Variants in PHLPP2 observed in about 807,000 individuals in gnomAD.
The protein encoded by PHLPP2 is PH domain and leucine rich repeat protein phosphatase 2.
PHLPP2 carries 66 observed loss-of-function variants against 124.9 expected under a neutral mutation model. The observed-to-expected ratio is 0.53, with a 90% CI of 0.43 to 0.65. The LOEUF is 0.65. Ranked by LOEUF, PHLPP2 falls within the 30% of genes least tolerant of loss-of-function variation. PHLPP2 has a pLI of 0.00. For missense variants in PHLPP2, 1,685 were observed against 1,600.4 expected (o/e 1.05, Z -0.90); for synonymous variants, 681 against 624.7 (o/e 1.09, Z -1.34).
chr16:71,658,947 C>A, intron 13 of PHLPP2, 132 bp from the exon 14 acceptor site: 1 of 755,044 alleles, frequency 1.3e-6, no homozygotes, highest in Non-Finnish European at 2.2e-6. Context: ...AGAAATGAAA[C>A]CGATACCAGG....
intron 18 of PHLPP2, among the ~76,000 whole-genome samples, chr16:71,651,668 T>A (rs954644336): frequency 1.3e-5 from 2 of 152,240 alleles, no homozygotes; most frequent in African/African-American, 2.4e-5. Context: ...ATAAAAATGA[T>A]GGTTTTTGAT....
At position 71,658,553 on chromosome 16, in the gene PHLPP2, C is replaced by A. The variant is rs1596990193; in HGVS notation, c.2148+100G>T. On this transcript the variant is annotated intron_variant, in intron 14 of 18. Coordinates refer to ENST00000568954, the MANE Select transcript of PHLPP2 (RefSeq NM_015020.3). ...ATATTTTTCCTTATAAGAATAATCT[C>A]ATTCACACTCCTTTCTTCTTCTTTA... The A allele has an allele frequency of 4.6e-6, 6 of 1,316,604 alleles. No homozygotes were observed. In the East Asian group the frequency reaches 1.2e-4, roughly 25 times the overall value. 81.6% of individuals were successfully genotyped at this position (1,316,604 alleles called of 1,614,324 possible). A position where few individuals can be genotyped will look rare whatever the true frequency, so the allele number is the denominator to read the frequency against.
chr16:71,710,601 T>G (rs1264356270), intron 2 of PHLPP2, among the ~76,000 whole-genome samples: 1 of 152,222 alleles, frequency 6.6e-6, no homozygotes, highest in Non-Finnish European at 1.5e-5. Flanking sequence ...GACATCAATC[T>G]AAGTACTTTA....
intron 4 of PHLPP2, among the ~76,000 whole-genome samples, chr16:71,686,974 T>C (rs1199818466): frequency 2.0e-5 from 3 of 152,254 alleles, no homozygotes; most frequent in Admixed American, 6.5e-5. Flanking sequence ...ACTGGGTTAT[T>C]TGAAAAGCAC....
chr16:71,660,574 C>T (rs900867275), intron 13 of PHLPP2, among the ~76,000 whole-genome samples: 3 of 151,532 alleles, frequency 2.0e-5, no homozygotes, highest in Non-Finnish European at 2.9e-5. Flanking sequence ...TACAGGCACC[C>T]GCCACCATGC....
In PHLPP2 at chr16:71,667,287, G is replaced by T; in HGVS notation, c.1675C>A (p.His559Asn). The stretch of plus-strand genomic sequence containing the variant: ...ACCAGTGTTGGAAGGTTTTGCACAT[G>T]ATTGTGTCCCAGCATCAGTTTTCTA... ...SLRKLMLGHN[H>N]VQNLPTLVEH... Residue 559 changes from histidine to asparagine, a missense_variant, in exon 12 of 19, where the codon CAT (histidine) becomes AAT (asparagine). Transcript: ENST00000568954. 1 of 1,613,514 alleles carries T rather than the reference G, an allele frequency of 6.2e-7. No homozygotes were observed. The highest frequency in any genetic ancestry group is 8.5e-7 in the Non-Finnish European group (1 of 1,179,626).
intron 1 of PHLPP2, chr16:71,715,085 C>T (rs536443359): frequency 5.0e-6 from 2 of 399,198 alleles, no homozygotes; most frequent in Non-Finnish European, 9.1e-6. Flanking sequence ...GTTGCAGTGG[C>T]TCAGGCCTGT....
At chr16:71,712,006 C>T (rs2045327408) in intron 2 of PHLPP2, among the ~76,000 whole-genome samples, 1 of 152,228 alleles carries the variant, frequency 6.6e-6, no homozygotes, top group Non-Finnish European at 1.5e-5. Flanking sequence ...TCAGGCATTC[C>T]AACTGCAGGG....
At chr16:71,713,764 G>A (rs1263384694) in intron 2 of PHLPP2, among the ~76,000 whole-genome samples, 2 of 151,992 alleles carry the variant, frequency 1.3e-5, no homozygotes, top group Non-Finnish European at 2.9e-5. Flanking sequence ...ACTCACGCAT[G>A]GGCACATATA....
chr16:71,649,632 G>C lies in PHLPP2; in HGVS notation c.3230C>G (p.Ala1077Gly). ...PATPSSSSGI[A>G]SEFSSEMSTS... ...GGACATCTCACTGCTGAACTCAGAGGCAATCCCACTGCTAGAGGATGGAGT... is the reference window on the plus strand; with the variant it reads ...GGACATCTCACTGCTGAACTCAGAGCCAATCCCACTGCTAGAGGATGGAGT... The change falls in exon 19 of 19, where the codon GCC becomes GGC. Residue 1077 changes from alanine to glycine, a missense_variant. By Grantham distance (60) the Ala-to-Gly change is moderately conservative (BLOSUM62 0). Coordinates refer to ENST00000568954, the MANE Select transcript of PHLPP2 (RefSeq NM_015020.3). 6.2e-7 allele frequency: 1 copy of C among 1,614,194 alleles called. No homozygotes were observed. The highest frequency in any genetic ancestry group is 2.2e-5 in the East Asian group (1 of 44,894).
At chr16:71,690,477 A>C (rs2045099487) in intron 4 of PHLPP2, 42 bp downstream of exon 4, 1 of 1,309,678 alleles carries the variant, frequency 7.6e-7, no homozygotes, top group Non-Finnish European at 1.1e-6. Context: ...TTTCTTAATT[A>C]AGATGATCAA....
chr16:71,705,521 CT>C (rs1285356497), intron 2 of PHLPP2, among the ~76,000 whole-genome samples: 7 of 151,380 alleles, frequency 4.6e-5, no homozygotes, highest in Middle Eastern at 3.4e-3. Flanking sequence ...TTTTCTTTTT[CT>C]TTTTTTTGAG....
intron 13 of PHLPP2, among the ~76,000 whole-genome samples, chr16:71,663,333 G>A (rs1051443623): frequency 3.3e-5 from 5 of 152,154 alleles, no homozygotes; most frequent in Admixed American, 6.5e-5. Flanking sequence ...GGCTGGTCTC[G>A]AACTCACGAA....
chr16:71,649,905 G>C lies in PHLPP2; in HGVS notation c.2957C>G (p.Ala986Gly), dbSNP rs966991891. 7 of 1,614,212 alleles carry C rather than the reference G, an allele frequency of 4.3e-6. No individual in the cohort carries two copies. Among genetic ancestry groups the C allele is most frequent in the Non-Finnish European group, 5.1e-6 (6 of 1,180,028 alleles). ...TGTGTAGGACAAGTGTTCCCACAATGCTTTGTTTCCCAGAATCAGCAACTC... is the reference window on the plus strand; with the variant it reads ...TGTGTAGGACAAGTGTTCCCACAATCCTTTGTTTCCCAGAATCAGCAACTC... ...QDELLILGNK[A>G]LWEHLSYTEA... Residue 986 changes from alanine to glycine, a missense_variant, in exon 19 of 19, where the codon GCA becomes GGA. Ala to Gly is a moderately conservative substitution (Grantham distance 60, BLOSUM62 0). Coordinates refer to ENST00000568954, the MANE Select transcript of PHLPP2 (RefSeq NM_015020.3).
chr16:71,716,656 T>C (rs566213965), intron 1 of PHLPP2, among the ~76,000 whole-genome samples: 163 of 152,282 alleles, frequency 1.1e-3, no homozygotes, highest in Non-Finnish European at 1.6e-3. Flanking sequence ...TCCAACTACC[T>C]GCAGCTCTCC....
intron 2 of PHLPP2, among the ~76,000 whole-genome samples, chr16:71,714,150 G>A (rs2045342093): frequency 6.6e-6 from 1 of 151,988 alleles, no homozygotes; most frequent in South Asian, 2.1e-4. Context: ...ATGTTGACCA[G>A]GCTGGTCTCG....
intron 12 of PHLPP2, among the ~76,000 whole-genome samples, chr16:71,665,125 T>C (rs541481324): frequency 2.6e-5 from 4 of 152,100 alleles, no homozygotes; most frequent in African/African-American, 7.2e-5. Flanking sequence ...CTGGCCAACA[T>C]GGTGAAACCT....
chr16:71,653,506 C>G (rs777654317), intron 17 of PHLPP2, among the ~76,000 whole-genome samples: 1 of 152,106 alleles, frequency 6.6e-6, no homozygotes, highest in Non-Finnish European at 1.5e-5. Flanking sequence ...CTAAGTTCCT[C>G]GAGGGAAGGA....
intron 5 of PHLPP2, 89 bp from the exon 6 acceptor site, chr16:71,681,994 C>T (rs190783652): frequency 7.9e-5 from 69 of 871,998 alleles, no homozygotes; most frequent in South Asian, 3.1e-4. Context: ...CACAAAAAGA[C>T]GCTAATTAAA....
Sources: allele counts gnomAD v4.1 joint callset (sites outside exome capture counted in the v4.1 genomes callset), GRCh38; gene constraint gnomAD v4.1.1; transcripts MANE v1.5; gene names NCBI Gene and HGNC (gene_info 2026-07-23, HGNC 2026-07-21).